CSMD3: variants seen among roughly 807,000 people sequenced by gnomAD.
CSMD3 encodes CUB and sushi domain-containing protein 3.
A neutral mutation model predicts 435.2 loss-of-function variants in CSMD3; 177 were observed. The observed-to-expected ratio is 0.41, with a 90% CI of 0.36 to 0.46. The LOEUF is 0.46. Ranked by LOEUF, CSMD3 falls within the 20% of genes least tolerant of loss-of-function variation. The pLI is 0.34. For missense variants in CSMD3, 4,265 were observed against 4,504.6 expected (o/e 0.95, Z 1.52); for synonymous variants, 1,656 against 1,520.5 (o/e 1.09, Z -2.07).
intron 13 of CSMD3, among the ~76,000 whole-genome samples, chr8:112,731,975 C>T (rs2132017041): frequency 6.6e-6 from 1 of 152,120 alleles, no homozygotes; most frequent in East Asian, 1.9e-4. Context: ...TTGTCTATGC[C>T]AGCAACATCA....
intron 32 of CSMD3, among the ~76,000 whole-genome samples, chr8:112,462,195 T>C (rs755028526): frequency 2.6e-5 from 4 of 152,226 alleles, no homozygotes; most frequent in Non-Finnish European, 5.9e-5. Context: ...CTTTATGACA[T>C]TGAACCTCAT....
chr8:112,243,062 T>A (rs948703961), intron 65 of CSMD3, among the ~76,000 whole-genome samples: 1 of 152,108 alleles, frequency 6.6e-6, no homozygotes, highest in Admixed American at 6.6e-5. Context: ...TTTTCACATG[T>A]AAGGTACTGA....
chr8:113,427,643 T>A (rs892834155), intron 1 of CSMD3, among the ~76,000 whole-genome samples: 2 of 151,658 alleles, frequency 1.3e-5, no homozygotes, highest in Admixed American at 6.6e-5. Context: ...CCCTGTATTT[T>A]TAACTAAAGG....
At chr8:112,456,950 T>C (rs747778956) in intron 32 of CSMD3, among the ~76,000 whole-genome samples, 2 of 152,110 alleles carry the variant, frequency 1.3e-5, no homozygotes, top group Non-Finnish European at 2.9e-5. Flanking sequence ...AATTATAAAA[T>C]GGATGTGTTC....
chr8:113,338,974 T>G (rs535265607), intron 1 of CSMD3, among the ~76,000 whole-genome samples: 1 of 152,062 alleles, frequency 6.6e-6, no homozygotes, highest in Non-Finnish European at 1.5e-5. Context: ...TTTTCATAAT[T>G]TTATTGAAAA....
intron 5 of CSMD3, among the ~76,000 whole-genome samples, chr8:113,075,986 A>G (rs1260201965): frequency 1.3e-5 from 2 of 151,830 alleles, no homozygotes; most frequent in African/African-American, 4.8e-5. Context: ...AGCAGTCACA[A>G]TTTCTCTCGT....
chr8:112,424,393 A>G lies in CSMD3; in HGVS notation c.5396-15361T>C, dbSNP rs577826436. On this transcript the variant is annotated intron_variant, in intron 32 of 70. Transcript: ENST00000297405. The stretch of plus-strand genomic sequence containing the variant: ...ATTATCATTATCAGTAAAAGAAACT[A>G]TAAAGAACATAAATTATTTGCACAT... Among the ~76,000 whole-genome samples the G allele has an allele frequency of 6.2e-4, 94 of 152,302 alleles. 1 individual carries two copies. In the South Asian group the frequency reaches 7.3e-3, roughly 12 times the overall value.
intron 10 of CSMD3, among the ~76,000 whole-genome samples, chr8:112,911,399 C>A (rs1380325550): frequency 5.3e-5 from 8 of 151,658 alleles, no homozygotes; most frequent in Admixed American, 2.0e-4. Context: ...GTGGCGAAAA[C>A]ATTTAAAATT....
At chr8:112,940,795 T>G (rs2083428528) in intron 9 of CSMD3, among the ~76,000 whole-genome samples, 1 of 151,856 alleles carries the variant, frequency 6.6e-6, no homozygotes, top group Non-Finnish European at 1.5e-5. Flanking sequence ...CAAACAAGAC[T>G]GTTTCTGTTT....
At chr8:112,452,162 CAA>C (rs1314995729) in intron 32 of CSMD3, among the ~76,000 whole-genome samples, 1 of 152,094 alleles carries the variant, frequency 6.6e-6, no homozygotes, top group Non-Finnish European at 1.5e-5. Flanking sequence ...TAAATCTTAG[CAA>C]ACTACAAAAT....
chr8:112,445,768 G>A (rs982905225), intron 32 of CSMD3, among the ~76,000 whole-genome samples: 2 of 152,072 alleles, frequency 1.3e-5, no homozygotes, highest in Non-Finnish European at 2.9e-5. Context: ...CAGCCTAAAA[G>A]CAACTAACTG....
At position 112,546,198 on chromosome 8, in the gene CSMD3, A is replaced by G. The variant is rs538920308; in HGVS notation, c.4564+4473T>C. On this transcript the variant is annotated intron_variant, in intron 27 of 70. Coordinates refer to ENST00000297405, the MANE Select transcript of CSMD3 (RefSeq NM_198123.2). The stretch of plus-strand genomic sequence containing the variant: ...GTGAAGCTGGCAGGTAGGTTGGGAC[A>G]TATTCTGGAGGCTTTAAATGTCATG... Among the ~76,000 whole-genome samples the G allele has an allele frequency of 3.3e-5, 5 of 152,328 alleles. No individual in the cohort carries two copies. In the East Asian group the frequency reaches 9.7e-4, roughly 29 times the overall value.
chr8:112,318,533 AGTG>A (rs1822689569), intron 47 of CSMD3, among the ~76,000 whole-genome samples: 1 of 152,038 alleles, frequency 6.6e-6, no homozygotes, highest in Non-Finnish European at 1.5e-5. Flanking sequence ...CTTTATTTAA[AGTG>A]ATTTCCCTTT....
chr8:112,845,843 T>C (rs183542390), intron 11 of CSMD3, among the ~76,000 whole-genome samples: 42 of 152,112 alleles, frequency 2.8e-4, no homozygotes, highest in Admixed American at 6.6e-4. Flanking sequence ...TTGGACTTTG[T>C]ATTTAGATAT....
intron 4 of CSMD3, among the ~76,000 whole-genome samples, chr8:113,154,790 TC>T (rs1387716567): frequency 1.3e-5 from 2 of 152,026 alleles, no homozygotes; most frequent in African/African-American, 4.8e-5. Context: ...TGTATGTCTT[TC>T]CCATTTGATG....
At chr8:113,348,870 C>T (rs1014625750) in intron 1 of CSMD3, among the ~76,000 whole-genome samples, 5 of 151,950 alleles carry the variant, frequency 3.3e-5, no homozygotes, top group Admixed American at 6.6e-5. Flanking sequence ...TAGACCTTTA[C>T]ACAATATGCA....
chr8:112,892,011 GA>G (rs1231878583), intron 10 of CSMD3, among the ~76,000 whole-genome samples: 3 of 151,334 alleles, frequency 2.0e-5, no homozygotes, highest in Non-Finnish European at 4.4e-5. Context: ...ATCCATCTGG[GA>G]TTGTAGATGT....
chr8:113,081,906 G>A (rs1268673416), intron 5 of CSMD3, among the ~76,000 whole-genome samples: 1 of 152,090 alleles, frequency 6.6e-6, no homozygotes, highest in Non-Finnish European at 1.5e-5. Context: ...CCCAGATCCT[G>A]AGAGCCACGT....
chr8:112,292,966 A>G (rs1819919854), intron 54 of CSMD3, among the ~76,000 whole-genome samples: 1 of 152,176 alleles, frequency 6.6e-6, no homozygotes, highest in African/African-American at 2.4e-5. Context: ...AGTGGTACAT[A>G]GATATTTAAA....
Sources: gnomAD v4.1 joint callset for allele counts (sites outside exome capture counted in the v4.1 genomes callset) on GRCh38, gnomAD v4.1.1 for gene constraint, MANE v1.5 for transcripts, NCBI Gene and HGNC (gene_info 2026-07-23, HGNC 2026-07-21) for gene names.